RGS6: variants seen among roughly 807,000 people sequenced by gnomAD.
The protein encoded by RGS6 is regulator of G-protein signaling 6.
Under a neutral mutation model 78.5 loss-of-function variants are expected in RGS6, and 30 were observed. That is an observed-to-expected ratio of 0.38 (90% CI 0.29 to 0.52). RGS6 has a LOEUF of 0.52. RGS6 is among the 20% of genes least tolerant of loss of function. RGS6 has a pLI of 0.85. For synonymous variants in RGS6, 206 were observed against 206.0 expected (o/e 1.00, Z 0.00); for missense variants, 495 against 609.7 (o/e 0.81, Z 1.98).
At chr14:72,396,565 A>G (rs2091326475) in intron 3 of RGS6, among the ~76,000 whole-genome samples, 1 of 151,954 alleles carries the variant, frequency 6.6e-6, no homozygotes, top group Non-Finnish European at 1.5e-5. Flanking sequence ...CCCATTTGTC[A>G]ATTTTGGCTT....
the RGS6 span, among the ~76,000 whole-genome samples, chr14:71,902,951 T>C: frequency 6.6e-6 from 1 of 152,228 alleles, no homozygotes; most frequent in Non-Finnish European, 1.5e-5. Context: ...TGGGATCAAA[T>C]CTTTACTCTT....
chr14:71,996,486 C>A (rs760604064), intron 2 of RGS6, among the ~76,000 whole-genome samples: 23 of 152,052 alleles, frequency 1.5e-4, no homozygotes, highest in Non-Finnish European at 3.1e-4. Flanking sequence ...GGGGGATTAC[C>A]GGTGTTGTTT....
chr14:72,601,450 G>A, the RGS6 span, among the ~76,000 whole-genome samples: 14 of 152,228 alleles, frequency 9.2e-5, no homozygotes, highest in Admixed American at 4.6e-4. Flanking sequence ...GCTCCAGGTC[G>A]GACCTCAGCC....
At chr14:72,136,469 G>A (rs113822605) in intron 2 of RGS6, among the ~76,000 whole-genome samples, 6 of 152,304 alleles carry the variant, frequency 3.9e-5, no homozygotes, top group South Asian at 2.1e-4. Flanking sequence ...AGGCCTCACA[G>A]TCATGACAGA....
chr14:72,541,552 G>A, intron 17 of RGS6: 1 of 1,535,700 alleles, frequency 6.5e-7, no homozygotes. Flanking sequence ...CGCACACCAA[G>A]AAGCTGCCAC....
the RGS6 span, chr14:72,619,413 T>A: frequency 3.9e-6 from 6 of 1,526,576 alleles, no homozygotes; most frequent in African/African-American, 8.2e-5. Flanking sequence ...CTGCTAACTC[T>A]GGAGCCCCAC....
intron 2 of RGS6, among the ~76,000 whole-genome samples, chr14:72,187,627 C>T (rs544280412): frequency 3.9e-4 from 60 of 152,272 alleles, no homozygotes; most frequent in African/African-American, 1.4e-3. Context: ...TAAACACCCA[C>T]TAATATTTCC....
chr14:72,345,259 G>T (rs1351229702), intron 2 of RGS6, among the ~76,000 whole-genome samples: 3 of 152,184 alleles, frequency 2.0e-5, no homozygotes, highest in Non-Finnish European at 4.4e-5. Flanking sequence ...ATAGAATAGA[G>T]CCTCTGCAGC....
intron 14 of RGS6, among the ~76,000 whole-genome samples, chr14:72,512,430 G>A (rs1334847440): frequency 6.6e-6 from 1 of 152,196 alleles, no homozygotes; most frequent in Non-Finnish European, 1.5e-5. Flanking sequence ...TCCCTGGCAG[G>A]TGTTCAGTGC....
chr14:72,277,603 A>C (rs1303460309), intron 2 of RGS6, among the ~76,000 whole-genome samples: 1 of 144,168 alleles, frequency 6.9e-6, no homozygotes, highest in Non-Finnish European at 1.5e-5. Flanking sequence ...CTAAAAAATA[A>C]AAAAAAAAAA....
intron 1 of RGS6, among the ~76,000 whole-genome samples, chr14:71,951,349 C>G (rs1394111024): frequency 1.3e-5 from 2 of 151,834 alleles, no homozygotes; most frequent in Non-Finnish European, 2.9e-5. Context: ...AAGTGGGAAC[C>G]AAACAATGAG....
At chr14:72,232,438 C>A (rs905614873) in intron 2 of RGS6, among the ~76,000 whole-genome samples, 2 of 152,192 alleles carry the variant, frequency 1.3e-5, no homozygotes, top group African/African-American at 2.4e-5. Context: ...CTGAAACATT[C>A]TCTTCCTAAT....
At position 72,008,691 on chromosome 14, in the gene RGS6, G is replaced by A. The variant is rs1260448866; in HGVS notation, c.84+43816G>A. ...GCTGCCATAAGTTGAGGACATTCAG[G>A]CAGTCTGGTGGAGGCCCACATGGTG... is the stretch of plus-strand genomic sequence containing the variant. On this transcript the variant is annotated intron_variant, in intron 2 of 17. Coordinates refer to ENST00000553525, the MANE Select transcript of RGS6 (RefSeq NM_001204424.2). Among the ~76,000 whole-genome samples, 3 of 152,180 alleles carry A rather than the reference G, an allele frequency of 2.0e-5. No homozygotes were observed. The East Asian group carries it at 5.8e-4, about 29-fold the overall frequency.
intron 3 of RGS6, among the ~76,000 whole-genome samples, chr14:72,409,657 C>T (rs2093242376): frequency 1.3e-5 from 2 of 152,126 alleles, no homozygotes; most frequent in South Asian, 4.2e-4. Flanking sequence ...TGGTGTGCTG[C>T]ACCCATTAAC....
chr14:72,055,722 A>G (rs1292967488), intron 2 of RGS6, among the ~76,000 whole-genome samples: 1 of 152,168 alleles, frequency 6.6e-6, no homozygotes, highest in African/African-American at 2.4e-5. Context: ...GCTTTAAAAT[A>G]CAGAAATCTT....
intron 2 of RGS6, among the ~76,000 whole-genome samples, chr14:72,026,081 T>A (rs1173340422): frequency 6.6e-6 from 1 of 152,150 alleles, no homozygotes; most frequent in Non-Finnish European, 1.5e-5. Context: ...CCTAAGGCTA[T>A]GAAACTGATT....
At chr14:72,572,034 A>G in the RGS6 span, among the ~76,000 whole-genome samples, 288 of 152,038 alleles carry the variant, frequency 1.9e-3, 2 homozygotes, top group African/African-American at 6.0e-3. Context: ...TACACAAATA[A>G]CCAACAAGCA....
intron 2 of RGS6, among the ~76,000 whole-genome samples, chr14:72,043,898 G>GCTGCTGCTGTCA (rs1183507453): frequency 3.3e-5 from 5 of 152,038 alleles, no homozygotes; most frequent in Admixed American, 1.3e-4. Context: ...TTGGAAGGTC[G>GCTGCTGCTGTCA]CTGCTGCTGT....
Position 72,435,569 on chromosome 14 carries a change from G to C in RGS6, c.185-18959G>C, listed in dbSNP as rs758267. Among the ~76,000 whole-genome samples, 12 of 152,022 alleles carry C rather than the reference G, an allele frequency of 7.9e-5. 1 individual carries two copies. The South Asian group carries it at 2.3e-3, about 29-fold the overall frequency. Reference sequence around the variant, plus strand: ...ATAGGTCTGGAGGCCAGAAATCTGAGATGGATCTTAGAGACTAAAATCCAG... The same window carrying C: ...ATAGGTCTGGAGGCCAGAAATCTGACATGGATCTTAGAGACTAAAATCCAG... On this transcript the variant is annotated intron_variant, in intron 3 of 17. Transcript: ENST00000553525.
Sources: gnomAD v4.1 joint callset for allele counts (sites outside exome capture counted in the v4.1 genomes callset) on GRCh38, gnomAD v4.1.1 for gene constraint, MANE v1.5 for transcripts, NCBI Gene and HGNC (gene_info 2026-07-23, HGNC 2026-07-21) for gene names.